Variants in HDAC9 observed in about 807,000 individuals in gnomAD.
The protein encoded by HDAC9 is MEF-2 interacting transcription repressor (MITR) protein.
HDAC9 carries 41 observed loss-of-function variants against 139.4 expected under a neutral mutation model. The observed-to-expected ratio is 0.29, with a 90% CI of 0.23 to 0.38. HDAC9 has a LOEUF of 0.38. HDAC9 is among the 10% of genes least tolerant of loss of function. The pLI, the probability that HDAC9 is intolerant of heterozygous loss-of-function variation, is 1.00. For missense variants in HDAC9, 1,147 were observed against 1,297.0 expected (o/e 0.88, Z 1.78); for synonymous variants, 517 against 476.2 (o/e 1.09, Z -1.12).
chr7:18,532,339 A>G (rs1167392901), intron 2 of HDAC9, among the ~76,000 whole-genome samples: 1 of 152,168 alleles, frequency 6.6e-6, no homozygotes, highest in Non-Finnish European at 1.5e-5. Context: ...CCATCCAGGA[A>G]CACTGTTGCC....
intron 1 of HDAC9, among the ~76,000 whole-genome samples, chr7:18,320,044 C>T (rs1799920741): frequency 6.6e-6 from 1 of 152,148 alleles, no homozygotes; most frequent in Non-Finnish European, 1.5e-5. Flanking sequence ...ACTCTCTAGT[C>T]CAACTTACTT....
At chr7:18,768,784 G>T (rs1169463399) in intron 16 of HDAC9, among the ~76,000 whole-genome samples, 3 of 152,034 alleles carry the variant, frequency 2.0e-5, no homozygotes, top group Non-Finnish European at 4.4e-5. Flanking sequence ...GAGTTATGAT[G>T]GTTCAATTTA....
At chr7:18,161,688 G>T (rs1332981850) in intron 1 of HDAC9, among the ~76,000 whole-genome samples, 3 of 152,138 alleles carry the variant, frequency 2.0e-5, no homozygotes, top group East Asian at 1.9e-4. Flanking sequence ...GCTGGAACAA[G>T]ATTACAAAAG....
At chr7:18,671,718 C>T (rs144907157) in intron 12 of HDAC9, among the ~76,000 whole-genome samples, 1 of 151,952 alleles carries the variant, frequency 6.6e-6, no homozygotes, top group African/African-American at 2.4e-5. Context: ...ACTAAGCAGT[C>T]ACTCCCACTC....
At chr7:18,840,066 T>C (rs1796489153) in intron 21 of HDAC9, among the ~76,000 whole-genome samples, 1 of 152,018 alleles carries the variant, frequency 6.6e-6, no homozygotes, top group Admixed American at 6.6e-5. Context: ...ATTAAATAAA[T>C]AAACAAATGA....
intron 2 of HDAC9, among the ~76,000 whole-genome samples, chr7:18,253,679 G>T (rs375198335): frequency 6.6e-6 from 1 of 152,102 alleles, no homozygotes; most frequent in Non-Finnish European, 1.5e-5. Context: ...GTTAGTATTC[G>T]TGGTAAGGGG....
At chr7:18,989,634 T>C (rs1785692206) in intron 25 of HDAC9, among the ~76,000 whole-genome samples, 3 of 151,458 alleles carry the variant, frequency 2.0e-5, no homozygotes, top group African/African-American at 4.9e-5. Context: ...TCCTGGATAA[T>C]ATCCTGCAGA....
At chr7:18,437,915 C>CACACACACACTGCCACATTATATAACGTT (rs1791362251) in intron 1 of HDAC9, among the ~76,000 whole-genome samples, 1 of 150,500 alleles carries the variant, frequency 6.6e-6, no homozygotes, top group Non-Finnish European at 1.5e-5. Context: ...ACATGCACCA[C>CACACACACACTGCCACATTATATAACGTT]ACACACACAC....
intron 2 of HDAC9, among the ~76,000 whole-genome samples, chr7:18,261,728 G>A (rs1393693247): frequency 6.6e-6 from 1 of 152,198 alleles, no homozygotes; most frequent in African/African-American, 2.4e-5. Flanking sequence ...AAATTTAGTT[G>A]TCTTTTTCTG....
chr7:18,184,196 C>T (rs970124510), intron 2 of HDAC9, among the ~76,000 whole-genome samples: 6 of 152,030 alleles, frequency 3.9e-5, no homozygotes, highest in African/African-American at 7.3e-5. Context: ...GTTGGGTGTT[C>T]GAGACCCGCC....
Position 18,240,047 on chromosome 7 carries a change from C to G in HDAC9, c.25+77698C>G, listed in dbSNP as rs527654008. 5.3e-5 allele frequency among the ~76,000 whole-genome samples: 8 copies of G among 150,120 alleles called. No homozygotes were observed. The South Asian group carries it at 6.3e-4, about 12-fold the overall frequency. The stretch of plus-strand genomic sequence containing the variant: ...AAAGTTTATTTAGTCGGTCTCATCT[C>G]CTTAACAATGTCAGAAGAAACCTTT... On this transcript the variant is annotated intron_variant, in intron 2 of 12. Coordinates refer to the HDAC9 transcript ENST00000417496.
At chr7:18,483,310 C>T (rs1039827629) in intron 1 of HDAC9, among the ~76,000 whole-genome samples, 3 of 151,922 alleles carry the variant, frequency 2.0e-5, no homozygotes, top group Non-Finnish European at 4.4e-5. Flanking sequence ...AGGACATGTG[C>T]GAAAGCATTG....
intron 2 of HDAC9, among the ~76,000 whole-genome samples, chr7:18,533,361 C>T (rs938993043): frequency 6.6e-6 from 1 of 152,056 alleles, no homozygotes; most frequent in South Asian, 2.1e-4. Context: ...TTCTTGGATT[C>T]TTGTAGCTTC....
chr7:18,827,020 A>C (rs1245726917), intron 17 of HDAC9, among the ~76,000 whole-genome samples: 3 of 151,930 alleles, frequency 2.0e-5, no homozygotes, highest in Admixed American at 6.6e-5. Context: ...TGGGACTCCA[A>C]GGTGGGTTGA....
In HDAC9 at chr7:18,595,211, A is replaced by G. The variant is rs535510263; in HGVS notation, c.664+1182A>G. Among the ~76,000 whole-genome samples the G allele has an allele frequency of 3.3e-5, 5 of 152,202 alleles. No homozygotes were observed. The South Asian group carries it at 1.0e-3, about 31-fold the overall frequency. On this transcript the variant is annotated intron_variant, in intron 6 of 25. Coordinates refer to ENST00000686413, the MANE Select transcript of HDAC9 (RefSeq NM_178425.4). ...AACAACCTGTGGCTTTTTAATTTAA[A>G]TAGCCCAAATATTTTTGCATTTCTA...
intron 1 of HDAC9, among the ~76,000 whole-genome samples, chr7:18,480,301 G>T (rs558886542): frequency 6.6e-6 from 1 of 152,280 alleles, no homozygotes; most frequent in African/African-American, 2.4e-5. Context: ...TTAGAGTGCT[G>T]TGTGGTCAAG....
At chr7:18,980,631 TTTC>T (rs1784843273) in intron 25 of HDAC9, among the ~76,000 whole-genome samples, 1 of 152,170 alleles carries the variant, frequency 6.6e-6, no homozygotes, top group South Asian at 2.1e-4. Flanking sequence ...TTCTATCACT[TTTC>T]TTCTTCCTCG....
At chr7:18,289,061 A>G (rs928190255), upstream of HDAC9, among the ~76,000 whole-genome samples, 3 of 152,194 alleles carry the variant, frequency 2.0e-5, no homozygotes, top group Admixed American at 2.0e-4. Flanking sequence ...TGCAAAAGCC[A>G]CAGATGTAAG....
intron 22 of HDAC9, among the ~76,000 whole-genome samples, chr7:18,893,828 GT>G (rs2129272678): frequency 6.6e-6 from 1 of 152,270 alleles, no homozygotes; most frequent in African/African-American, 2.4e-5. Context: ...TATAAATGAT[GT>G]TTGCCTGAAG....
Sources: gnomAD v4.1 joint callset for allele counts (sites outside exome capture counted in the v4.1 genomes callset) on GRCh38, gnomAD v4.1.1 for gene constraint, MANE v1.5 for transcripts, NCBI Gene and HGNC (gene_info 2026-07-23, HGNC 2026-07-21) for gene names.